The following KIF1A variants were observed in gnomAD, a reference collection of about 807,000 sequenced individuals.
KIF1A encodes the protein kinesin family member 1A.
In KIF1A, 46 loss-of-function variants were observed where a neutral mutation model predicts 227.3. The observed-to-expected ratio is 0.20, with a 90% CI of 0.16 to 0.26. The LOEUF is 0.26. Among genes scored for constraint, KIF1A ranks in the 10% least tolerant of loss-of-function variants. KIF1A has a pLI of 1.00. For synonymous variants in KIF1A, 1,022 were observed against 1,012.8 expected, an observed-to-expected ratio of 1.01 and a Z score of -0.17; for missense variants, 1,683 against 2,485.9, an observed-to-expected ratio of 0.68 and a Z score of 6.87.
rs1040629294 is a variant in KIF1A at position 240,781,983 on chromosome 2, G to C, written c.882+607C>G. ...CCGAGTTCCCTGTGCGTTTCCCAGT[G>C]AGCACCTCGCGGATCCCCGTGGTGG... On this transcript the variant is annotated intron_variant, in intron 10 of 48. Transcript: ENST00000498729. 4 of 985,294 alleles carry C rather than the reference G, an allele frequency of 4.1e-6. No homozygotes were observed. The African/African-American group carries it at 5.2e-5, about 13-fold the overall frequency. 61.0% of individuals were successfully genotyped at this position (985,294 alleles called of 1,614,324 possible). A position where few individuals can be genotyped will look rare whatever the true frequency, so the allele number is the denominator to read the frequency against.
rs368702339 is a variant in KIF1A, at chr2:240,714,541, C to G, written c.*2823G>C. ...CTTTCCAGATCTGTCTCACCTCCCC[C>G]ACTTAGCAGGAAGCAGCAGCCACCC... is the stretch of plus-strand genomic sequence containing the variant. On this transcript the variant is annotated 3_prime_UTR_variant, in exon 49 of 49. Coordinates refer to ENST00000498729, the MANE Select transcript of KIF1A (RefSeq NM_001244008.2). The G allele has an allele frequency of 6.6e-6, 1 of 152,402 alleles. No individual in the cohort carries two copies. The highest frequency in any genetic ancestry group is 6.5e-5 in the Admixed American group (1 of 15,288). The allele number at this position is 152,402 out of a possible 1,614,324, so 9.4% of individuals were successfully genotyped here.
chr2:240,773,090 G>T, intron 13 of KIF1A, 24 bp downstream of exon 13: 1 of 1,596,904 alleles, frequency 6.3e-7, no homozygotes, highest in South Asian at 1.1e-5. Flanking sequence ...ACCCTGTCCA[G>T]GACAGGCTGG....
At chr2:240,735,837 T>C (rs1025108368) in intron 38 of KIF1A, among the ~76,000 whole-genome samples, 1 of 151,816 alleles carries the variant, frequency 6.6e-6, no homozygotes, top group African/African-American at 2.4e-5. Flanking sequence ...TCCCCCCTCA[T>C]GGCACCACCT....
rs771575364 is a variant in KIF1A, at chr2:240,767,039, C to A, written c.1578-18G>T. ...TGCCCACTCTGCGGGGTGGGGGCAC[C>A]ATCAGCACGGCAGCTGGGACCCAAT... On this transcript the variant is annotated intron_variant, in intron 18 of 48. Coordinates refer to ENST00000498729, the MANE Select transcript of KIF1A (RefSeq NM_001244008.2). The A allele has an allele frequency of 1.9e-6, 3 of 1,575,430 alleles. No homozygotes were observed. In the Admixed American group the frequency reaches 5.2e-5, roughly 27 times the overall value.
At chr2:240,727,946 C>G (rs2046217946) in intron 38 of KIF1A, among the ~76,000 whole-genome samples, 1 of 152,220 alleles carries the variant, frequency 6.6e-6, no homozygotes, top group African/African-American at 2.4e-5. Flanking sequence ...CAGAATGTGG[C>G]TACTCTGCAG....
chr2:240,745,328 C>T (rs2048457855), intron 32 of KIF1A, 99 bp downstream of exon 32: 1 of 972,932 alleles, frequency 1.0e-6, no homozygotes, highest in Non-Finnish European at 1.6e-6. Context: ...AGTCCTGGCC[C>T]ACAACTGGTG....
At chr2:240,779,363 C>T (rs2053258402) in intron 10 of KIF1A, among the ~76,000 whole-genome samples, 1 of 130,608 alleles carries the variant, frequency 7.7e-6, no homozygotes, top group East Asian at 2.0e-4. Flanking sequence ...GTTCCTCACT[C>T]AGTTCCTCAC....
At position 240,758,085 on chromosome 2, in the gene KIF1A, T is replaced by A. The variant is rs1266422058; in HGVS notation, c.2582+275A>T. On this transcript the variant is annotated intron_variant, in intron 26 of 48. Transcript: ENST00000498729. This position sits in a 1 kb window ranked among gnomAD's most constrained non-coding sequence, Gnocchi z 5.2. ...TGGGAGCCTCACATATTCATACACATGGACCCATGGGTTCTGGCGGCTACA... is the reference window on the plus strand; with the variant it reads ...TGGGAGCCTCACATATTCATACACAAGGACCCATGGGTTCTGGCGGCTACA... Among the ~76,000 whole-genome samples, 1 of 152,166 alleles carries A rather than the reference T, an allele frequency of 6.6e-6. No homozygotes were observed. Among genetic ancestry groups the A allele is most frequent in the East Asian group, 1.9e-4 (1 of 5,184 alleles).
chr2:240,733,268 C>A (rs2046961575), intron 38 of KIF1A, among the ~76,000 whole-genome samples: 1 of 152,088 alleles, frequency 6.6e-6, no homozygotes, highest in South Asian at 2.1e-4. Context: ...TCCCCAGACC[C>A]AGATCTTTCC....
chr2:240,784,884 G>C, intron 7 of KIF1A, 105 bp downstream of exon 7: 1 of 900,318 alleles, frequency 1.1e-6, no homozygotes, highest in Non-Finnish European at 1.8e-6. Flanking sequence ...GCACAGGCCA[G>C]CATTGGGCCT....
chr2:240,734,618 A>C, intron 38 of KIF1A: 37 of 739,862 alleles, frequency 5.0e-5, no homozygotes, highest in Non-Finnish European at 6.8e-5. Flanking sequence ...GGAAGCTGGA[A>C]GTTAACTTCT....
At chr2:240,724,360 C>T in intron 40 of KIF1A, 1 of 410,760 alleles carries the variant, frequency 2.4e-6, no homozygotes, top group Non-Finnish European at 4.6e-6. Context: ...CATCTCCAGT[C>T]CCTCCACGGC....
intron 17 of KIF1A, among the ~76,000 whole-genome samples, chr2:240,767,709 G>A (rs539818772): frequency 6.6e-6 from 1 of 152,392 alleles, no homozygotes; most frequent in East Asian, 1.9e-4. Flanking sequence ...CCCCAGATGT[G>A]CAGACCACAG....
At chr2:240,723,914 C>CA in intron 41 of KIF1A, 61 bp downstream of exon 41, 1 of 1,389,810 alleles carries the variant, frequency 7.2e-7, no homozygotes, top group South Asian at 1.2e-5. Flanking sequence ...GTGGTCACCC[C>CA]AAGTGGGCAG....
chr2:240,745,946 G>C (rs369173403), intron 30 of KIF1A, 37 bp from the exon 31 acceptor site: 10 of 1,593,034 alleles, frequency 6.3e-6, no homozygotes, highest in African/African-American at 1.3e-5. Context: ...GGACCTCCAG[G>C]CCATATTGTC....
rs373667395 is a variant in KIF1A at position 240,718,203 on chromosome 2, G to C, written c.5215-35C>G. The stretch of plus-strand genomic sequence containing the variant: ...GAGGCAGCTGGTGAGGAGGTGCCAG[G>C]CTCCGTGGTCAGCACACCACCCTCC... On this transcript the variant is annotated intron_variant, in intron 47 of 48. Coordinates refer to ENST00000498729, the MANE Select transcript of KIF1A (RefSeq NM_001244008.2). 26 of 1,441,710 alleles carry C rather than the reference G, an allele frequency of 1.8e-5. No homozygotes were observed. The Admixed American group carries it at 2.3e-4, about 13-fold the overall frequency. 89.3% of individuals were successfully genotyped at this position (1,441,710 alleles called of 1,614,324 possible). A position where few individuals can be genotyped will look rare whatever the true frequency, so the allele number is the denominator to read the frequency against.
chr2:240,760,650 G>GCCCTC lies in KIF1A; in HGVS notation c.2444+10_2444+14dup, dbSNP rs2050397275. ...GGACCCTCCCACCATCCACCCAGCG[G>GCCCTC]CCCTCCAGCCCCACCTGAGCTTCTC... On this transcript the variant is annotated intron_variant, in intron 25 of 48. Transcript: ENST00000498729. 1.4e-6 allele frequency: 2 copies of GCCCTC among 1,450,416 alleles called. No individual in the cohort carries two copies. The highest frequency in any genetic ancestry group is 2.9e-5 in the African/African-American group (2 of 68,336). 89.8% of individuals were successfully genotyped at this position (1,450,416 alleles called of 1,614,324 possible).
Position 240,780,178 on chromosome 2 carries a change from C to G in KIF1A, c.882+2412G>C, listed in dbSNP as rs75882082. On this transcript the variant is annotated intron_variant, in intron 10 of 48. Transcript: ENST00000498729. ...CGCAGCGTTCACACGGTTCCTCATG[C>G]CTTTCCCAGCAGCCACCCGCCTGGC... Among the ~76,000 whole-genome samples, 50 of 152,138 alleles carry G rather than the reference C, an allele frequency of 3.3e-4. 1 individual carries two copies. In the East Asian group the frequency reaches 9.1e-3, roughly 28 times the overall value.
rs918362585 is a variant in KIF1A at position 240,723,997 on chromosome 2, G to A, written c.4296C>T (p.His1432=). ...VTGVYELSLC[H]VADAGSPGMQ... The stretch of plus-strand genomic sequence containing the variant: ...TACCTGGGCTGCCCGCGTCAGCCAC[G>A]TGGCACAGGCTGAGCTCGTACACAC... The change falls in exon 41 of 49, where the codon CAC becomes CAT. Residue 1432 remains histidine, a synonymous_variant. Coordinates refer to ENST00000498729, the MANE Select transcript of KIF1A (RefSeq NM_001244008.2). The A allele has an allele frequency of 9.3e-6, 15 of 1,612,430 alleles. No individual in the cohort carries two copies. The highest frequency in any genetic ancestry group is 4.0e-5 in the African/African-American group (3 of 74,930).
Sources: allele counts gnomAD v4.1 joint callset (sites outside exome capture counted in the v4.1 genomes callset), GRCh38; gene constraint gnomAD v4.1.1; non-coding constraint Gnocchi (gnomAD v3.1); transcripts MANE v1.5; gene names NCBI Gene and HGNC (gene_info 2026-07-23, HGNC 2026-07-21).